SEC16A: variants seen among roughly 807,000 people sequenced by gnomAD.
The protein encoded by SEC16A is SEC16 homolog A, endoplasmic reticulum export factor, also known as protein transport protein Sec16A.
Under a neutral mutation model 221.9 loss-of-function variants are expected in SEC16A, and 110 were observed. The observed-to-expected ratio is 0.50, with a 90% CI of 0.42 to 0.58. SEC16A has a LOEUF of 0.58. Ranked by LOEUF, SEC16A falls within the 20% of genes least tolerant of loss-of-function variation. The pLI, the probability that SEC16A is intolerant of heterozygous loss-of-function variation, is 0.00. For missense variants in SEC16A, 3,165 were observed against 3,097.8 expected (o/e 1.02, Z -0.52); for synonymous variants, 1,393 against 1,257.7 (o/e 1.11, Z -2.28).
At chr9:136,483,143 G>T, upstream of SEC16A, 2 of 455,336 alleles carry the variant, frequency 4.4e-6, no homozygotes, top group Non-Finnish European at 5.7e-6. Context: ...GCCCAGACGC[G>T]TTCTCTTTCA....
chr9:136,467,949 G>A (rs910039245), intron 5 of SEC16A, among the ~76,000 whole-genome samples: 1 of 152,246 alleles, frequency 6.6e-6, no homozygotes, highest in African/African-American at 2.4e-5. Context: ...GGAGCACCCA[G>A]GTCGCTGCCC....
chr9:136,475,588 G>A lies in SEC16A; in HGVS notation c.2028C>T (p.Pro676=). Residue 676 remains proline (P), a synonymous_variant, in exon 3 of 32, where the codon CCC becomes CCT. Coordinates refer to ENST00000684901, the MANE Select transcript of SEC16A (RefSeq NM_014866.2). The surrounding 1 kb of genome is among the most constrained non-coding windows in gnomAD (Gnocchi z 5.0). Reference sequence around the variant, plus strand: ...CTTCCGTGGTGGAGTTAAGAGGCAGGGGACAGACCTGGGGTGCACAGAGGG... The same window carrying A: ...CTTCCGTGGTGGAGTTAAGAGGCAGAGGACAGACCTGGGGTGCACAGAGGG... ...METLCAPQVC[P]LPLNSTTEAV... 1.2e-6 allele frequency: 2 copies of A among 1,613,618 alleles called. No individual in the cohort carries two copies. Among genetic ancestry groups the A allele is most frequent in the South Asian group, 1.1e-5 (1 of 91,018 alleles).
chr9:136,471,869 T>G, intron 4 of SEC16A, 106 bp downstream of exon 4: 2 of 1,329,742 alleles, frequency 1.5e-6, no homozygotes, highest in East Asian at 2.3e-5. Flanking sequence ...TGTACAATTC[T>G]TCAGAAATAC....
chr9:136,474,453 C>T lies in SEC16A; in HGVS notation c.3163G>A (p.Glu1055Lys), dbSNP rs553149111. 1.4e-5 allele frequency: 23 copies of T among 1,612,954 alleles called. No individual in the cohort carries two copies. The highest frequency in any genetic ancestry group is 5.3e-5 in the African/African-American group (4 of 74,918). The change falls in exon 3 of 32, where the codon GAA becomes AAA. Residue 1055 changes from glutamate to lysine, a missense_variant. Physicochemically the swap from Glu to Lys is moderately conservative, Grantham distance 56. Transcript: ENST00000684901. ...TKDAQGQPGL[E>K]RAQQELVPPQ... ...GGCACCAGCTCCTGCTGGGCTCTTT[C>T]GAGGCCAGGCTGGCCCTGGGCATCT...
chr9:136,479,430 G>A (rs1842043521), intron 1 of SEC16A, among the ~76,000 whole-genome samples: 1 of 151,902 alleles, frequency 6.6e-6, no homozygotes, highest in Non-Finnish European at 1.5e-5. Context: ...TCGGCTCACT[G>A]CAAGCTCCGC....
At chr9:136,480,394 A>G (rs115802765) in intron 1 of SEC16A, among the ~76,000 whole-genome samples, 384 of 152,340 alleles carry the variant, frequency 2.5e-3, no homozygotes, top group African/African-American at 8.7e-3. Context: ...GCACGGGCCT[A>G]GAGGTTTATT....
chr9:136,448,055 A>C (rs756016632), intron 24 of SEC16A, 29 bp downstream of exon 24: 3 of 1,592,258 alleles, frequency 1.9e-6, no homozygotes, highest in Non-Finnish European at 2.6e-6. Context: ...AATTCTTCGG[A>C]CGTCCCGTGC....
At chr9:136,468,011 G>A (rs1205822076) in intron 5 of SEC16A, among the ~76,000 whole-genome samples, 3 of 152,218 alleles carry the variant, frequency 2.0e-5, no homozygotes. Context: ...CCAGCCTCCT[G>A]TGGTCAGGAG....
intron 8 of SEC16A, among the ~76,000 whole-genome samples, chr9:136,465,520 C>T (rs1220356563): frequency 6.6e-6 from 1 of 150,808 alleles, no homozygotes; most frequent in East Asian, 1.9e-4. Flanking sequence ...TATATCTTTA[C>T]GTATATTTCT....
At chr9:136,442,164 A>C (rs1208055402) in intron 31 of SEC16A, among the ~76,000 whole-genome samples, 3 of 152,252 alleles carry the variant, frequency 2.0e-5, no homozygotes, top group African/African-American at 7.2e-5. Flanking sequence ...GGCCTGGCCT[A>C]CTGCATGGGA....
chr9:136,461,573 C>T (rs1839484345), intron 12 of SEC16A, among the ~76,000 whole-genome samples: 1 of 152,214 alleles, frequency 6.6e-6, no homozygotes, highest in African/African-American at 2.4e-5. Context: ...CCCACCACGC[C>T]GCCCCATCCA....
chr9:136,451,283 G>A lies in SEC16A; in HGVS notation c.6285C>T (p.Ala2095=), dbSNP rs536813154. The A allele has an allele frequency of 6.2e-7, 1 of 1,612,904 alleles. No homozygotes were observed. The highest frequency in any genetic ancestry group is 1.7e-5 in the Admixed American group (1 of 59,790). Residue 2095 remains alanine, a synonymous_variant, in exon 23 of 32, where the codon GCC becomes GCT. Transcript: ENST00000684901. ...APETKRPGQA[A]KKETKEPKKG... Reference sequence around the variant, plus strand: ...TCTTAGGTTCCTTCGTTTCTTTCTTGGCTGCCTGTCCGGGTCTCTTTGTTT... The same window carrying A: ...TCTTAGGTTCCTTCGTTTCTTTCTTAGCTGCCTGTCCGGGTCTCTTTGTTT...
In SEC16A at chr9:136,447,559, C is replaced by T. The variant is rs374009663; in HGVS notation, c.6559+10G>A. On this transcript the variant is annotated intron_variant, in intron 26 of 31. Transcript: ENST00000684901. The surrounding 1 kb of genome is among the most constrained non-coding windows in gnomAD (Gnocchi z 5.5). ...GTTCAAGCAAGCTCCCACTCCAAGG[C>T]CACCCTTACCTGCTCTTCTAGAGTA... 3.7e-6 allele frequency: 6 copies of T among 1,605,534 alleles called. No homozygotes were observed. Among genetic ancestry groups the T allele is most frequent in the Non-Finnish European group, 5.1e-6 (6 of 1,172,336 alleles).
upstream of SEC16A, chr9:136,483,547 G>A: frequency 1.0e-6 from 1 of 984,678 alleles, no homozygotes. Context: ...CCGGCCAGGC[G>A]CGCCGGGGCC....
In SEC16A at chr9:136,441,745, C is replaced by T. The variant is rs1836209255; in HGVS notation, c.*10G>A. 1 of 1,612,956 alleles carries T rather than the reference C, an allele frequency of 6.2e-7. No individual in the cohort carries two copies. The highest frequency in any genetic ancestry group is 8.5e-7 in the Non-Finnish European group (1 of 1,179,560). On this transcript the variant is annotated 3_prime_UTR_variant, in exon 32 of 32. Coordinates refer to ENST00000684901, the MANE Select transcript of SEC16A (RefSeq NM_014866.2). Reference sequence around the variant, plus strand: ...CAGGGCTCCAAGTGCAAGTTCACAGCAGGGCAAGCCTAGTTCAGCACCAGG... The same window carrying T: ...CAGGGCTCCAAGTGCAAGTTCACAGTAGGGCAAGCCTAGTTCAGCACCAGG...
upstream of SEC16A, chr9:136,484,331 C>T: frequency 8.8e-7 from 1 of 1,133,740 alleles, no homozygotes; most frequent in Non-Finnish European, 1.1e-6. Flanking sequence ...CACGGCCAGG[C>T]CAGGCAGCAT....
chr9:136,484,312 T>C, upstream of SEC16A: 3 of 1,086,998 alleles, frequency 2.8e-6, no homozygotes, highest in South Asian at 6.2e-5. Context: ...TAGGCGCTCC[T>C]GTGCCTGCCA....
chr9:136,455,302 G>A (rs367744229), intron 20 of SEC16A, among the ~76,000 whole-genome samples: 39 of 152,262 alleles, frequency 2.6e-4, no homozygotes, highest in East Asian at 1.2e-3. Flanking sequence ...TGAGGCTCCC[G>A]GAGAAACAAG....
chr9:136,474,006 G>A (rs770164634), intron 3 of SEC16A, 43 bp downstream of exon 3: 1 of 1,550,684 alleles, frequency 6.4e-7, no homozygotes, highest in Non-Finnish European at 8.7e-7. Flanking sequence ...ACTGGTCAAA[G>A]CACAGACAGA....
Sources: allele counts gnomAD v4.1 joint callset (sites outside exome capture counted in the v4.1 genomes callset), GRCh38; gene constraint gnomAD v4.1.1; non-coding constraint Gnocchi (gnomAD v3.1); transcripts MANE v1.5; gene names NCBI Gene and HGNC (gene_info 2026-07-23, HGNC 2026-07-21).